DOCK4: variants seen among roughly 807,000 people sequenced by gnomAD.
DOCK4 encodes dedicator of cytokinesis 4.
A neutral mutation model predicts 268.1 loss-of-function variants in DOCK4; 97 were observed. The observed-to-expected ratio is 0.36, with a 90% CI of 0.31 to 0.43. The LOEUF is 0.43. DOCK4 is among the 20% of genes least tolerant of loss of function. The pLI is 1.00. For synonymous variants in DOCK4, 954 were observed against 887.2 expected (o/e 1.08, Z -1.34); for missense variants, 2,145 against 2,455.7 (o/e 0.87, Z 2.67).
chr7:111,882,720 C>G (rs1355771521), intron 16 of DOCK4, among the ~76,000 whole-genome samples: 4 of 152,044 alleles, frequency 2.6e-5, no homozygotes, highest in African/African-American at 9.7e-5. Flanking sequence ...TCAAGCAATT[C>G]TCCTGCCTCA....
chr7:111,787,556 G>A (rs1799257489), intron 32 of DOCK4, among the ~76,000 whole-genome samples: 1 of 152,036 alleles, frequency 6.6e-6, no homozygotes, highest in African/African-American at 2.4e-5. Context: ...TCCTTTTAAT[G>A]TAATTTTCTT....
At chr7:112,046,692 A>C (rs1804852738) in intron 1 of DOCK4, among the ~76,000 whole-genome samples, 1 of 152,180 alleles carries the variant, frequency 6.6e-6, no homozygotes, top group Admixed American at 6.5e-5. Context: ...AATATATGAA[A>C]CAATGGTTTT....
intron 7 of DOCK4, among the ~76,000 whole-genome samples, chr7:111,979,514 CATT>C (rs139628399): frequency 0.011 from 1,592 of 149,348 alleles, 25 homozygotes; most frequent in African/African-American, 0.037. Context: ...AAAGTGGCAT[CATT>C]ATGTTCATAA....
Position 111,741,226 on chromosome 7 carries a change from G to A in DOCK4, c.4920-12C>T. On this transcript the variant is annotated splice_polypyrimidine_tract_variant and intron_variant, in intron 46 of 52. Transcript: ENST00000428084. ...GGTAACTTAACGGGCTGTTTCAGGG[G>A]GAAAAAAAAGGTCATTAACTCAGTC... 1.2e-6 allele frequency: 2 copies of A among 1,605,206 alleles called. No homozygotes were observed. Among genetic ancestry groups the A allele is most frequent in the Non-Finnish European group, 8.5e-7 (1 of 1,177,578 alleles).
intron 12 of DOCK4, among the ~76,000 whole-genome samples, chr7:111,921,564 T>C (rs1048841187): frequency 2.0e-5 from 3 of 152,234 alleles, no homozygotes; most frequent in Admixed American, 2.0e-4. Context: ...AAAACTGTGA[T>C]AAATATATTG....
chr7:111,863,595 C>T (rs774597579), intron 22 of DOCK4, 31 bp from the exon 23 acceptor site: 9 of 1,546,754 alleles, frequency 5.8e-6, no homozygotes, highest in South Asian at 1.2e-5. Flanking sequence ...TAAATCAACT[C>T]CCAGATACGC....
intron 13 of DOCK4, among the ~76,000 whole-genome samples, chr7:111,915,079 A>T (rs999856981): frequency 6.6e-6 from 1 of 152,336 alleles, no homozygotes; most frequent in African/African-American, 2.4e-5. Flanking sequence ...GTAGATGAAC[A>T]CACTCAGAAA....
At chr7:112,203,858 C>T (rs1044021111) in intron 1 of DOCK4, among the ~76,000 whole-genome samples, 6 of 148,276 alleles carry the variant, frequency 4.0e-5, no homozygotes, top group African/African-American at 1.5e-4. Context: ...CACACACACA[C>T]ACACACACGC....
intron 1 of DOCK4, among the ~76,000 whole-genome samples, chr7:112,093,449 G>C (rs546989360): frequency 5.4e-5 from 8 of 149,274 alleles, no homozygotes; most frequent in South Asian, 4.2e-4. Context: ...ACATTTAAAG[G>C]GGGGGGGAAA....
intron 17 of DOCK4, among the ~76,000 whole-genome samples, chr7:111,874,243 TTC>T (rs1806659148): frequency 6.6e-6 from 1 of 152,142 alleles, no homozygotes. Context: ...CTCCTTTGTG[TTC>T]TCTTTCCCTT....
At chr7:111,874,620 T>C (rs1260857118) in intron 17 of DOCK4, among the ~76,000 whole-genome samples, 1 of 152,208 alleles carries the variant, frequency 6.6e-6, no homozygotes, top group Non-Finnish European at 1.5e-5. Flanking sequence ...AGTTGCAAAT[T>C]AGGAGCTATA....
rs761017411 is a variant in DOCK4, at chr7:111,755,612, CAA to C, written c.4330-13_4330-12del. ...CTCCACCCAGAGACTCTACAAAACA[CAA>C]AACACATTAAGTCTCCCAAGTTGCC... On this transcript the variant is annotated splice_polypyrimidine_tract_variant and intron_variant, in intron 41 of 52. Transcript: ENST00000428084. 3 of 1,613,430 alleles carry C rather than the reference CAA, an allele frequency of 1.9e-6. No individual in the cohort carries two copies. In the South Asian group the frequency reaches 3.3e-5, roughly 18 times the overall value.
At chr7:112,160,714 G>A (rs1817033345) in intron 1 of DOCK4, among the ~76,000 whole-genome samples, 1 of 152,198 alleles carries the variant, frequency 6.6e-6, no homozygotes, top group Non-Finnish European at 1.5e-5. Flanking sequence ...TGTTCCTTCA[G>A]CAGGGAACAA....
chr7:111,728,176 G>T lies in DOCK4; in HGVS notation c.*98C>A. Reference sequence around the variant, plus strand: ...TTTAATTCCATTCATCGAAGGAGCTGAGTAAGTTATTAAAGTGCCTACACT... The same window carrying T: ...TTTAATTCCATTCATCGAAGGAGCTTAGTAAGTTATTAAAGTGCCTACACT... On this transcript the variant is annotated 3_prime_UTR_variant, in exon 53 of 53. Transcript: ENST00000428084. 3 of 880,904 alleles carry T rather than the reference G, an allele frequency of 3.4e-6. No homozygotes were observed. The highest frequency in any genetic ancestry group is 4.6e-6 in the Non-Finnish European group (3 of 645,828). The allele number at this position is 880,904 out of a possible 1,614,324, so 54.6% of individuals were successfully genotyped here. A position where few individuals can be genotyped will look rare whatever the true frequency, so the allele number is the denominator to read the frequency against.
chr7:112,159,231 C>A (rs146975637), intron 1 of DOCK4, among the ~76,000 whole-genome samples: 1 of 152,076 alleles, frequency 6.6e-6, no homozygotes, highest in African/African-American at 2.4e-5. Flanking sequence ...ACTTGACTGG[C>A]GCTGCCTTTC....
At chr7:111,950,449 A>G (rs2134869817) in intron 8 of DOCK4, among the ~76,000 whole-genome samples, 1 of 152,332 alleles carries the variant, frequency 6.6e-6, no homozygotes, top group South Asian at 2.1e-4. Context: ...CTTTTTTCCT[A>G]AGTGGAAGAG....
intron 1 of DOCK4, among the ~76,000 whole-genome samples, chr7:112,006,031 C>T (rs1800831319): frequency 1.3e-5 from 2 of 152,324 alleles, no homozygotes; most frequent in Middle Eastern, 3.4e-3. Flanking sequence ...CCAGCCTTCT[C>T]CACACCTTCT....
chr7:111,930,259 A>C (rs1794090180), intron 12 of DOCK4, among the ~76,000 whole-genome samples: 2 of 152,226 alleles, frequency 1.3e-5, no homozygotes, highest in African/African-American at 2.4e-5. Flanking sequence ...GATTGCTTGC[A>C]ATTTTCTCCC....
At chr7:112,192,832 A>T (rs1820094410) in intron 1 of DOCK4, among the ~76,000 whole-genome samples, 2 of 152,068 alleles carry the variant, frequency 1.3e-5, no homozygotes, top group African/African-American at 4.8e-5. Context: ...TTTTCTACCA[A>T]CATGTCGTAA....
Sources: allele counts gnomAD v4.1 joint callset (sites outside exome capture counted in the v4.1 genomes callset), GRCh38; gene constraint gnomAD v4.1.1; transcripts MANE v1.5; gene names NCBI Gene and HGNC (gene_info 2026-07-23, HGNC 2026-07-21).